The following FSTL4 variants were observed in gnomAD, a reference collection of about 807,000 sequenced individuals.
FSTL4 encodes follistatin like 4.
Under a neutral mutation model 78.2 loss-of-function variants are expected in FSTL4, and 28 were observed. The observed-to-expected ratio is 0.36, with a 90% CI of 0.27 to 0.49. The LOEUF (loss-of-function observed/expected upper bound fraction) is 0.49. Among genes scored for constraint, FSTL4 ranks in the 20% least tolerant of loss-of-function variants. FSTL4 has a pLI of 0.98. For synonymous variants in FSTL4, 422 were observed against 440.5 expected, an observed-to-expected ratio of 0.96 and a Z score of 0.53; for missense variants, 922 against 1,084.9, an observed-to-expected ratio of 0.85 and a Z score of 2.11.
rs758565907 is a variant in FSTL4 at position 133,406,953 on chromosome 5, T to C, written c.161-5967A>G. 1.4e-4 allele frequency among the ~76,000 whole-genome samples: 22 copies of C among 152,344 alleles called. 1 individual carries two copies. The highest frequency in any genetic ancestry group is 5.2e-4 in the Admixed American group (8 of 15,308). The stretch of plus-strand genomic sequence containing the variant: ...TTGAATCAGTCTCACTCCAAATCCC[T>C]TGAACTTGGGATAATCTGCTCAGCT... On this transcript the variant is annotated intron_variant, in intron 3 of 15. Coordinates refer to ENST00000265342, the MANE Select transcript of FSTL4 (RefSeq NM_015082.2).
chr5:133,802,881 G>C, the FSTL4 span, among the ~76,000 whole-genome samples: 3 of 152,190 alleles, frequency 2.0e-5, no homozygotes, highest in African/African-American at 7.2e-5. Flanking sequence ...AACTGGTATA[G>C]GTGTACACAA....
intron 4 of FSTL4, among the ~76,000 whole-genome samples, chr5:133,387,409 C>T (rs1755726709): frequency 6.6e-6 from 1 of 152,164 alleles, no homozygotes; most frequent in Non-Finnish European, 1.5e-5. Flanking sequence ...GGCACATTCT[C>T]CGTGAATGAG....
intron 14 of FSTL4, among the ~76,000 whole-genome samples, chr5:133,204,017 TG>T (rs1465018685): frequency 9.2e-5 from 14 of 152,296 alleles, no homozygotes; most frequent in African/African-American, 3.4e-4. Flanking sequence ...CGTATGGGCT[TG>T]GTACAGGAGA....
chr5:133,352,331 C>T (rs937747535), intron 4 of FSTL4, among the ~76,000 whole-genome samples: 5 of 100,718 alleles, frequency 5.0e-5, no homozygotes, highest in African/African-American at 1.6e-4. Flanking sequence ...TATATACACA[C>T]ATATATATAT....
At chr5:133,714,922 A>G in the FSTL4 span, among the ~76,000 whole-genome samples, 2 of 152,274 alleles carry the variant, frequency 1.3e-5, no homozygotes, top group Non-Finnish European at 2.9e-5. Flanking sequence ...CTTATGCACC[A>G]GCTGGGTCCC....
chr5:133,639,235 A>G, the FSTL4 span, among the ~76,000 whole-genome samples: 1 of 152,206 alleles, frequency 6.6e-6, no homozygotes, highest in South Asian at 2.1e-4. Context: ...TTTCTCACTC[A>G]TAAGTCAGAG....
the FSTL4 span, among the ~76,000 whole-genome samples, chr5:133,769,992 T>C: frequency 6.6e-6 from 1 of 152,202 alleles, no homozygotes; most frequent in Non-Finnish European, 1.5e-5. Context: ...CTTAGGGTAA[T>C]GGCCTCCAGT....
intron 3 of FSTL4, among the ~76,000 whole-genome samples, chr5:133,530,238 C>T (rs1759223328): frequency 1.3e-5 from 2 of 152,204 alleles, no homozygotes; most frequent in Non-Finnish European, 2.9e-5. Flanking sequence ...ACTAGCAAAT[C>T]AGCATCTTCT....
At chr5:133,522,870 C>T (rs1467853478) in intron 3 of FSTL4, among the ~76,000 whole-genome samples, 1 of 152,226 alleles carries the variant, frequency 6.6e-6, no homozygotes, top group Non-Finnish European at 1.5e-5. Flanking sequence ...AGCCCTCAAG[C>T]ACTGATTGGG....
At chr5:133,838,038 C>T in the FSTL4 span, among the ~76,000 whole-genome samples, 1 of 152,160 alleles carries the variant, frequency 6.6e-6, no homozygotes, top group Non-Finnish European at 1.5e-5. Flanking sequence ...CAGGCACCTG[C>T]CACCACACCC....
chr5:133,486,137 G>T (rs375173142), intron 3 of FSTL4, among the ~76,000 whole-genome samples: 9 of 152,132 alleles, frequency 5.9e-5, no homozygotes, highest in African/African-American at 1.9e-4. Context: ...TGTGGGCAGA[G>T]GCGCCTGAGA....
intron 3 of FSTL4, among the ~76,000 whole-genome samples, chr5:133,470,667 C>T (rs930930162): frequency 4.6e-5 from 7 of 151,872 alleles, no homozygotes; most frequent in African/African-American, 1.5e-4. Context: ...ATCGCTTGAA[C>T]CCAGGAGGTG....
At chr5:133,663,006 A>G in the FSTL4 span, among the ~76,000 whole-genome samples, 1 of 152,238 alleles carries the variant, frequency 6.6e-6, no homozygotes, top group Non-Finnish European at 1.5e-5. Context: ...TACATATTGT[A>G]CAATTCCAAC....
chr5:133,804,142 C>T, the FSTL4 span, among the ~76,000 whole-genome samples: 1 of 152,210 alleles, frequency 6.6e-6, no homozygotes, highest in African/African-American at 2.4e-5. Flanking sequence ...TATTCAATCC[C>T]TTTCTGCTCA....
chr5:133,403,420 A>G (rs1756282823), intron 3 of FSTL4, among the ~76,000 whole-genome samples: 1 of 151,888 alleles, frequency 6.6e-6, no homozygotes, highest in Admixed American at 6.6e-5. Flanking sequence ...GAATCCTCCT[A>G]CCCCAAAGTG....
At position 133,400,815 on chromosome 5, in the gene FSTL4, T is replaced by C. The variant is rs1235073076; in HGVS notation, c.332A>G (p.His111Arg). 6 of 1,613,952 alleles carry C rather than the reference T, an allele frequency of 3.7e-6. No homozygotes were observed. Among genetic ancestry groups the C allele is most frequent in the Non-Finnish European group, 2.5e-6 (3 of 1,179,938 alleles). Residue 111 changes from histidine (H) to arginine (R), a missense_variant, in exon 4 of 16, where the codon CAC (histidine) becomes CGC (arginine). Coordinates refer to ENST00000265342, the MANE Select transcript of FSTL4 (RefSeq NM_015082.2). Reference protein sequence around the residue: ...CGSDGRFYENHCKLHRAACLL... With the variant: ...CGSDGRFYENRCKLHRAACLL... Reference sequence around the variant, plus strand: ...GCAAGCAGCACGGTGGAGCTTACAGTGGTTTTCATAAAACCTCCCATCAGA... The same window carrying C: ...GCAAGCAGCACGGTGGAGCTTACAGCGGTTTTCATAAAACCTCCCATCAGA...
At chr5:133,254,538 G>A (rs933717818) in intron 6 of FSTL4, among the ~76,000 whole-genome samples, 3 of 152,226 alleles carry the variant, frequency 2.0e-5, no homozygotes, top group Non-Finnish European at 4.4e-5. Flanking sequence ...TGGGCAGATT[G>A]ACACCCTATG....
chr5:133,639,456 T>C, the FSTL4 span, among the ~76,000 whole-genome samples: 1 of 152,138 alleles, frequency 6.6e-6, no homozygotes, highest in South Asian at 2.1e-4. Context: ...TGGGGTGAGC[T>C]TGGTGAGACA....
At chr5:133,791,207 A>T in the FSTL4 span, among the ~76,000 whole-genome samples, 1 of 151,916 alleles carries the variant, frequency 6.6e-6, no homozygotes, top group Non-Finnish European at 1.5e-5. Context: ...CAAATTACTC[A>T]AATATCATCT....
Sources: allele counts gnomAD v4.1 joint callset (sites outside exome capture counted in the v4.1 genomes callset), GRCh38; gene constraint gnomAD v4.1.1; transcripts MANE v1.5; gene names NCBI Gene and HGNC (gene_info 2026-07-23, HGNC 2026-07-21).